The following ASB15 variants were observed in gnomAD, a reference collection of about 807,000 sequenced individuals.
ASB15 encodes the protein ankyrin repeat and SOCS box containing 15.
A neutral mutation model predicts 58.0 loss-of-function variants in ASB15; 54 were observed. The ratio of observed to expected loss-of-function variants is 0.93; its 90% CI spans 0.75 to 1.17. The LOEUF is 1.17. Ranked by LOEUF, ASB15 falls within the 50% of genes most tolerant of loss-of-function variation. The pLI is 0.00. For synonymous variants in ASB15, 249 were observed against 262.4 expected, an observed-to-expected ratio of 0.95 and a Z score of 0.50; for missense variants, 680 against 707.4, an observed-to-expected ratio of 0.96 and a Z score of 0.44.
intron 7 of ASB15, among the ~76,000 whole-genome samples, chr7:123,623,943 GA>G (rs368976809): frequency 6.8e-5 from 3 of 43,922 alleles, no homozygotes; most frequent in Non-Finnish European, 1.5e-4. Context: ...AAGAAAGAAA[GA>G]AAGAAAGAAA....
chr7:123,585,528 T>C (rs972920467), intron 1 of ASB15, among the ~76,000 whole-genome samples: 2 of 151,866 alleles, frequency 1.3e-5, no homozygotes, highest in African/African-American at 4.8e-5. Context: ...AAATAAAACG[T>C]GTATATACAT....
upstream of ASB15, among the ~76,000 whole-genome samples, chr7:123,597,358 A>G (rs927267511): frequency 3.3e-5 from 5 of 152,196 alleles, no homozygotes; most frequent in African/African-American, 1.2e-4. Flanking sequence ...CTGCAAGAAT[A>G]TTGATGCTAG....
In ASB15 at chr7:123,624,803, T is replaced by C; in HGVS notation, c.686T>C (p.Leu229Pro). The change falls in exon 8 of 12, where the codon CTA becomes CCA. Residue 229 changes from leucine to proline, a missense_variant. Coordinates refer to ENST00000451215, the MANE Select transcript of ASB15 (RefSeq NM_001290258.2). ...GGTCACTGTGACGTGTTAGAACATCTAATCCACAAAGGTATGTGAAAAGGA... is the reference window on the plus strand; with the variant it reads ...GGTCACTGTGACGTGTTAGAACATCCAATCCACAAAGGTATGTGAAAAGGA... ...EYGHCDVLEH[L>P]IHKGGDVLAL... 1 of 1,613,812 alleles carries C rather than the reference T, an allele frequency of 6.2e-7. No homozygotes were observed. Among genetic ancestry groups the C allele is most frequent in the Non-Finnish European group, 8.5e-7 (1 of 1,179,800 alleles).
At chr7:123,598,668 T>C (rs1562918216), upstream of ASB15, 1 of 152,208 alleles carries the variant, frequency 6.6e-6, no homozygotes, top group Non-Finnish European at 1.5e-5. Context: ...CCAAAAACTT[T>C]ACTAGACAAA....
At chr7:123,606,781 G>T (rs967475629) in intron 2 of ASB15, among the ~76,000 whole-genome samples, 1 of 152,088 alleles carries the variant, frequency 6.6e-6, no homozygotes, top group African/African-American at 2.4e-5. Flanking sequence ...CAAATGGCAA[G>T]ATTCTCTTCT....
intron 1 of ASB15, among the ~76,000 whole-genome samples, chr7:123,582,739 T>G (rs1799271208): frequency 6.6e-6 from 1 of 152,020 alleles, no homozygotes; most frequent in Non-Finnish European, 1.5e-5. Flanking sequence ...TCCTGGAAGC[T>G]AAGCATCACC....
chr7:123,611,409 C>T (rs561826356), intron 3 of ASB15, among the ~76,000 whole-genome samples: 29 of 152,272 alleles, frequency 1.9e-4, no homozygotes, highest in African/African-American at 6.7e-4. Flanking sequence ...ATTCTCCTGC[C>T]TCAGTCTCCC....
chr7:123,607,431 A>G (rs1800202505), intron 2 of ASB15, among the ~76,000 whole-genome samples: 1 of 152,168 alleles, frequency 6.6e-6, no homozygotes. Flanking sequence ...CACAGCTGAG[A>G]TAAACATTCT....
chr7:123,618,916 C>G (rs1209283430), intron 7 of ASB15, among the ~76,000 whole-genome samples: 2 of 152,058 alleles, frequency 1.3e-5, no homozygotes, highest in African/African-American at 4.8e-5. Context: ...TGGCTCATGC[C>G]TGTAATCCCA....
rs1799358504 is a variant in ASB15 at position 123,585,738 on chromosome 7, C to T, written c.-442-18294C>T. ...ATTATCATTAACTATAGTTACCATG[C>T]TGTACATTAGATCTCTAAAACTTAT... On this transcript the variant is annotated intron_variant, in intron 1 of 13. Coordinates refer to the ASB15 transcript ENST00000451558. 2.0e-5 allele frequency among the ~76,000 whole-genome samples: 3 copies of T among 151,632 alleles called. 1 individual carries two copies. The South Asian group carries it at 6.2e-4, about 31-fold the overall frequency.
At chr7:123,626,339 G>A (rs1046482366) in intron 8 of ASB15, among the ~76,000 whole-genome samples, 2 of 152,126 alleles carry the variant, frequency 1.3e-5, no homozygotes, top group African/African-American at 4.8e-5. Flanking sequence ...CCCTGTGGTG[G>A]CACATGCCTG....
At chr7:123,620,503 CATACATAT>C (rs1257530477) in intron 7 of ASB15, among the ~76,000 whole-genome samples, 851 of 53,014 alleles carry the variant, frequency 0.016, 25 homozygotes, top group Admixed American at 0.04. Flanking sequence ...GACACATATA[CATACATAT>C]ATATATATAT....
At chr7:123,615,686 A>C (rs1800755505) in intron 4 of ASB15, among the ~76,000 whole-genome samples, 1 of 152,192 alleles carries the variant, frequency 6.6e-6, no homozygotes, top group Admixed American at 6.5e-5. Context: ...CTTGTGGAAC[A>C]GTTGATTTAA....
chr7:123,629,983 A>C lies in ASB15; in HGVS notation c.1458A>C (p.Thr486=), dbSNP rs755841342. 21 of 1,590,478 alleles carry C rather than the reference A, an allele frequency of 1.3e-5. No individual in the cohort carries two copies. The highest frequency in any genetic ancestry group is 1.8e-5 in the Non-Finnish European group (21 of 1,163,232). The change falls in exon 11 of 12, where the codon ACA becomes ACC. Residue 486 remains threonine (T), a synonymous_variant. Coordinates refer to ENST00000451215, the MANE Select transcript of ASB15 (RefSeq NM_001290258.2). ...IKDNPFCEFI[T]VPWMKHLVGR... ...TCTCTCAGTTCTGTGAGTTTATTAC[A>C]GTTCCTTGGATGAAGCACTTGGTAG...
At chr7:123,587,275 A>G (rs1313620145) in intron 1 of ASB15, among the ~76,000 whole-genome samples, 1 of 151,476 alleles carries the variant, frequency 6.6e-6, no homozygotes, top group African/African-American at 2.4e-5. Flanking sequence ...CCTTGGTTAA[A>G]TTTACTCCCA....
chr7:123,614,246 A>T (rs986285541), intron 3 of ASB15: 2 of 370,958 alleles, frequency 5.4e-6, no homozygotes, highest in African/African-American at 4.3e-5. Flanking sequence ...ACTGAAAAAA[A>T]AAAAAGTCAA....
chr7:123,585,497 C>G (rs1051090682), intron 1 of ASB15, among the ~76,000 whole-genome samples: 1 of 151,712 alleles, frequency 6.6e-6, no homozygotes, highest in African/African-American at 2.4e-5. Context: ...ATTTTTCCAG[C>G]TTTATTGAGG....
At chr7:123,598,736 G>A, upstream of ASB15, 1 of 152,152 alleles carries the variant, frequency 6.6e-6, no homozygotes, top group East Asian at 1.9e-4. Flanking sequence ...CTGTTTGTTT[G>A]TCATTAATTT....
At chr7:123,584,461 G>A (rs117621201) in intron 1 of ASB15, among the ~76,000 whole-genome samples, 2,764 of 151,952 alleles carry the variant, frequency 0.018, 38 homozygotes, top group South Asian at 0.037. Flanking sequence ...AAGAACAACT[G>A]CTCTATGGAA....
Sources: gnomAD v4.1 joint callset for allele counts (sites outside exome capture counted in the v4.1 genomes callset) on GRCh38, gnomAD v4.1.1 for gene constraint, MANE v1.5 for transcripts, NCBI Gene and HGNC (gene_info 2026-07-23, HGNC 2026-07-21) for gene names.